MCTP1: variants seen among roughly 807,000 people sequenced by gnomAD.
MCTP1 encodes the protein multiple C2 and transmembrane domain containing 1.
MCTP1 carries 69 observed loss-of-function variants against 120.6 expected under a neutral mutation model. The observed-to-expected ratio is 0.57, with a 90% CI of 0.47 to 0.70. The LOEUF (loss-of-function observed/expected upper bound fraction) is 0.70. Among genes scored for constraint, MCTP1 ranks in the 30% least tolerant of loss-of-function variants. The probability of loss-of-function intolerance (pLI) is 0.00; values close to 1 mark genes in which losing one functional copy is unlikely to be tolerated. For synonymous variants in MCTP1, 529 were observed against 493.1 expected (o/e 1.07, Z -0.96); for missense variants, 1,203 against 1,248.8 (o/e 0.96, Z 0.55).
intron 2 of MCTP1, among the ~76,000 whole-genome samples, chr5:94,988,487 T>C (rs1830824336): frequency 6.6e-6 from 1 of 152,186 alleles, no homozygotes; most frequent in Admixed American, 6.5e-5. Context: ...ATGCTAATGT[T>C]TCAGTGAAAT....
At chr5:94,729,765 A>G (rs929905681) in intron 19 of MCTP1, among the ~76,000 whole-genome samples, 1 of 152,232 alleles carries the variant, frequency 6.6e-6, no homozygotes, top group Non-Finnish European at 1.5e-5. Context: ...GTGAAGAGGG[A>G]GCACAGGATG....
At chr5:94,920,162 G>GA (rs1811177482) in intron 7 of MCTP1, among the ~76,000 whole-genome samples, 1 of 151,754 alleles carries the variant, frequency 6.6e-6, no homozygotes, top group Non-Finnish European at 1.5e-5. Flanking sequence ...CATACAAATA[G>GA]AAAATCATCA....
intron 19 of MCTP1, among the ~76,000 whole-genome samples, chr5:94,760,874 A>G (rs983368768): frequency 1.3e-5 from 2 of 151,994 alleles, no homozygotes; most frequent in Non-Finnish European, 2.9e-5. Flanking sequence ...TCATAGAGAC[A>G]GGGTCCCACT....
At chr5:95,013,961 C>T (rs1304260775) in intron 2 of MCTP1, among the ~76,000 whole-genome samples, 1 of 151,836 alleles carries the variant, frequency 6.6e-6, no homozygotes, top group Non-Finnish European at 1.5e-5. Context: ...ATTCTAGATG[C>T]CATAAAGAAC....
At chr5:95,167,030 T>TA (rs1439976206) in intron 1 of MCTP1, among the ~76,000 whole-genome samples, 90 of 152,190 alleles carry the variant, frequency 5.9e-4, no homozygotes, top group African/African-American at 2.1e-3. Flanking sequence ...ACTCGTCATT[T>TA]ACATTAGGTA....
chr5:94,769,469 T>G (rs1773569457), intron 19 of MCTP1, among the ~76,000 whole-genome samples: 1 of 152,092 alleles, frequency 6.6e-6, no homozygotes, highest in Non-Finnish European at 1.5e-5. Flanking sequence ...AATCCATAAA[T>G]AGGTACAATT....
Position 94,866,434 on chromosome 5 carries a change from T to C in MCTP1, c.2436+1899A>G, listed in dbSNP as rs1581105088. On this transcript the variant is annotated intron_variant, in intron 17 of 22. Transcript: ENST00000515393. ...TTCCAGCGAAACACAGGTAATATTA[T>C]GGGTTCTTCTCCAAAGTACTCTTAC... Among the ~76,000 whole-genome samples the C allele has an allele frequency of 2.0e-5, 3 of 151,848 alleles. No homozygotes were observed. In the East Asian group the frequency reaches 5.8e-4, roughly 29 times the overall value.
At chr5:94,738,397 G>A (rs1398680789) in intron 19 of MCTP1, among the ~76,000 whole-genome samples, 2 of 152,172 alleles carry the variant, frequency 1.3e-5, no homozygotes, top group Middle Eastern at 3.4e-3. Flanking sequence ...GAAGCACCTT[G>A]TCCCAGTGCA....
At chr5:94,826,498 G>A in intron 17 of MCTP1, 1 of 701,876 alleles carries the variant, frequency 1.4e-6, no homozygotes, top group Non-Finnish European at 2.6e-6. Flanking sequence ...TCAAATTTCA[G>A]TTCTGTACAT....
At chr5:94,783,491 T>C (rs10041746) in intron 18 of MCTP1, among the ~76,000 whole-genome samples, 5,553 of 152,110 alleles carry the variant, frequency 0.037, 380 homozygotes, top group African/African-American at 0.12. Flanking sequence ...GAAATGTTAA[T>C]AGTGATGTCA....
chr5:95,042,186 T>C (rs1285100837), intron 1 of MCTP1, among the ~76,000 whole-genome samples: 1 of 152,198 alleles, frequency 6.6e-6, no homozygotes, highest in South Asian at 2.1e-4. Context: ...GGCCTGTTTT[T>C]CCAATGCCGG....
intron 1 of MCTP1, among the ~76,000 whole-genome samples, chr5:95,179,988 G>A (rs1748427339): frequency 6.6e-6 from 1 of 152,142 alleles, no homozygotes; most frequent in Non-Finnish European, 1.5e-5. Context: ...GCAAGCAGGA[G>A]TAGCTATTCC....
At chr5:94,850,889 G>A (rs1793552024) in intron 17 of MCTP1, among the ~76,000 whole-genome samples, 4 of 152,056 alleles carry the variant, frequency 2.6e-5, no homozygotes, top group Non-Finnish European at 4.4e-5. Context: ...ACCTTGTGGG[G>A]GAAGGGTACA....
At chr5:95,042,937 C>T (rs954559989) in intron 1 of MCTP1, among the ~76,000 whole-genome samples, 5 of 152,072 alleles carry the variant, frequency 3.3e-5, no homozygotes, top group African/African-American at 1.2e-4. Context: ...CTATTATAAA[C>T]AATGTGGCAA....
intron 19 of MCTP1, among the ~76,000 whole-genome samples, chr5:94,766,016 G>A (rs1042973577): frequency 7.9e-5 from 12 of 152,126 alleles, no homozygotes; most frequent in Non-Finnish European, 1.8e-4. Context: ...AGGCCGAGGA[G>A]GGCAGATCGC....
intron 18 of MCTP1, among the ~76,000 whole-genome samples, chr5:94,781,237 G>A (rs774076432): frequency 1.3e-4 from 20 of 151,206 alleles, no homozygotes; most frequent in Admixed American, 6.6e-5. Context: ...AGTCATTATT[G>A]TAGCTACTTA....
At chr5:95,007,024 T>G (rs1261863074) in intron 2 of MCTP1, among the ~76,000 whole-genome samples, 1 of 152,146 alleles carries the variant, frequency 6.6e-6, no homozygotes, top group Non-Finnish European at 1.5e-5. Context: ...GAAGTGTAAT[T>G]GACTCATAGT....
At chr5:95,100,273 TAATA>T (rs1194085742) in intron 1 of MCTP1, among the ~76,000 whole-genome samples, 1 of 151,248 alleles carries the variant, frequency 6.6e-6, no homozygotes, top group Non-Finnish European at 1.5e-5. Flanking sequence ...TAAAGTATAA[TAATA>T]AAAAAAAATT....
intron 18 of MCTP1, among the ~76,000 whole-genome samples, chr5:94,781,160 A>C (rs909102887): frequency 6.6e-6 from 1 of 150,538 alleles, no homozygotes; most frequent in Non-Finnish European, 1.5e-5. Flanking sequence ...GAAATTACCC[A>C]TGCAGATTCT....
Sources: gnomAD v4.1 joint callset for allele counts (sites outside exome capture counted in the v4.1 genomes callset) on GRCh38, gnomAD v4.1.1 for gene constraint, MANE v1.5 for transcripts, NCBI Gene and HGNC (gene_info 2026-07-23, HGNC 2026-07-21) for gene names.